The following DHRS1 variants were observed in gnomAD, a reference collection of about 807,000 sequenced individuals.
The protein encoded by DHRS1 is dehydrogenase/reductase 1.
DHRS1 carries 34 observed loss-of-function variants against 35.2 expected under a neutral mutation model. The observed-to-expected ratio is 0.97, with a 90% CI of 0.74 to 1.29. DHRS1 has a LOEUF of 1.29. DHRS1 is among the 50% of genes most tolerant of loss of function. The pLI, the probability that DHRS1 is intolerant of heterozygous loss-of-function variation, is 0.00. For synonymous variants in DHRS1, 133 were observed against 160.0 expected, an observed-to-expected ratio of 0.83 and a Z score of 1.27; for missense variants, 354 against 403.6, an observed-to-expected ratio of 0.88 and a Z score of 1.05.
intron 5 of DHRS1, 63 bp downstream of exon 5, chr14:24,292,589 C>G (rs1471831788): frequency 6.2e-7 from 1 of 1,613,534 alleles, no homozygotes; most frequent in South Asian, 1.1e-5. Context: ...GATTGTACCT[C>G]CTGAGCTATA....
At chr14:24,294,559 G>T (rs56244705) in intron 4 of DHRS1, 7,833 of 152,000 alleles carry the variant, frequency 0.052, 528 homozygotes, top group East Asian at 0.34. Flanking sequence ...CTGCACTCTA[G>T]CCTGGGTGAC....
intron 4 of DHRS1, among the ~76,000 whole-genome samples, chr14:24,295,339 A>C (rs2041231741): frequency 6.6e-6 from 1 of 152,232 alleles, no homozygotes. Context: ...CACACACATA[A>C]CTTGGTAACC....
chr14:24,296,998 C>CTCTG (rs1332216653), intron 2 of DHRS1, 117 bp from the exon 3 acceptor site: 1 of 1,412,900 alleles, frequency 7.1e-7, no homozygotes, highest in African/African-American at 1.4e-5. Context: ...GGAGAGCCTG[C>CTCTG]TGCAGAGGCA....
At chr14:24,291,262 T>C (rs761972766) in intron 7 of DHRS1, 43 bp from the exon 8 acceptor site, 17 of 1,599,438 alleles carry the variant, frequency 1.1e-5, no homozygotes, top group Admixed American at 8.3e-5. Context: ...CAGGGGAGTA[T>C]GCAGAGTGAC....
At chr14:24,291,518 C>T (rs753653463) in intron 7 of DHRS1, 38 bp downstream of exon 7, 2 of 1,605,660 alleles carry the variant, frequency 1.2e-6, no homozygotes, top group South Asian at 1.1e-5. Context: ...ACACATCCTC[C>T]ATGCCCTTTC....
chr14:24,291,259 G>A, intron 7 of DHRS1, 40 bp from the exon 8 acceptor site: 2 of 1,599,816 alleles, frequency 1.3e-6, no homozygotes, highest in Non-Finnish European at 8.6e-7. Flanking sequence ...AGGCAGGGGA[G>A]TATGCAGAGT....
chr14:24,297,466 C>T (rs1001805162), intron 2 of DHRS1, among the ~76,000 whole-genome samples: 2 of 152,210 alleles, frequency 1.3e-5, no homozygotes, highest in African/African-American at 4.8e-5. Context: ...GAACAATCCT[C>T]CTATTCTCCA....
chr14:24,295,459 G>T (rs1171633777), intron 4 of DHRS1, among the ~76,000 whole-genome samples: 1 of 152,228 alleles, frequency 6.6e-6, no homozygotes, highest in Non-Finnish European at 1.5e-5. Flanking sequence ...AGGAAAGGCA[G>T]TAAATGCGCA....
At chr14:24,296,697 A>G (rs941383504) in intron 3 of DHRS1, 41 bp downstream of exon 3, 65 of 1,613,712 alleles carry the variant, frequency 4.0e-5, no homozygotes, top group Non-Finnish European at 5.4e-5. Context: ...TCTGAGGGGG[A>G]GGTCAGAAAT....
At position 24,296,897 on chromosome 14, in the gene DHRS1, G is replaced by C. The variant is rs2041259044; in HGVS notation, c.151-16C>G. 6.2e-7 allele frequency: 1 copy of C among 1,613,980 alleles called. No individual in the cohort carries two copies. The highest frequency in any genetic ancestry group is 1.3e-5 in the African/African-American group (1 of 74,912). On this transcript the variant is annotated splice_polypyrimidine_tract_variant and intron_variant, in intron 2 of 8. Coordinates refer to ENST00000288111, the MANE Select transcript of DHRS1 (RefSeq NM_001136050.3). ...GGGATTGTGCCTGGAGTAGGACAGG[G>C]GATATGAGCTCACATTCACACATGG...
intron 2 of DHRS1, among the ~76,000 whole-genome samples, chr14:24,297,706 C>T (rs1302190882): frequency 6.6e-6 from 1 of 152,320 alleles, no homozygotes; most frequent in East Asian, 1.9e-4. Flanking sequence ...CCACTCTTTC[C>T]TCTCCAGCCT....
chr14:24,297,030 T>A, intron 2 of DHRS1, 149 bp from the exon 3 acceptor site: 5 of 1,052,340 alleles, frequency 4.8e-6, no homozygotes, highest in Non-Finnish European at 6.9e-6. Context: ...AACGCTGCCC[T>A]CTGGTGTCTG....
rs939365792 is a variant in DHRS1 at position 24,299,780 on chromosome 14, T to C, written c.-224A>G. 3 of 744,446 alleles carry C rather than the reference T, an allele frequency of 4.0e-6. No homozygotes were observed. The highest frequency in any genetic ancestry group is 4.2e-6 in the Non-Finnish European group (2 of 481,794). The allele number at this position is 744,446 out of a possible 1,614,324, so 46.1% of individuals were successfully genotyped here. On this transcript the variant is annotated 5_prime_UTR_variant, in exon 1 of 9. Transcript: ENST00000288111. ...ACCTGCGGATGGGGGCGGAGCGATC[T>C]GGGTGACACACCCACCCCGCCCGGC...
In DHRS1 at chr14:24,291,093, C is replaced by A. The variant is rs899539298; in HGVS notation, c.805+46G>T. The A allele has an allele frequency of 2.5e-6, 4 of 1,613,386 alleles. No individual in the cohort carries two copies. The African/African-American group carries it at 5.3e-5, about 22-fold the overall frequency. On this transcript the variant is annotated intron_variant, in intron 8 of 8. Transcript: ENST00000288111. Reference sequence around the variant, plus strand: ...GACCGAGGGAGGAGTGGGCAGGGAACAGAGGGAACAGCAGTCAAGGCTGAC... The same window carrying A: ...GACCGAGGGAGGAGTGGGCAGGGAAAAGAGGGAACAGCAGTCAAGGCTGAC...
rs754865649 is a variant in DHRS1, at chr14:24,296,764, C to T, written c.268G>A (p.Val90Ile). The T allele has an allele frequency of 2.5e-6, 4 of 1,614,178 alleles. No homozygotes were observed. The South Asian group carries it at 4.4e-5, about 18-fold the overall frequency. ...TGGACCCCTGCATAAGCATTGTTGACCAGCACATCTAGACGCCCTTGCTGT... is the reference window on the plus strand; with the variant it reads ...TGGACCCCTGCATAAGCATTGTTGATCAGCACATCTAGACGCCCTTGCTGT... Reference protein sequence around the residue: ...REQQGRLDVLVNNAYAGVQTI... With the variant: ...REQQGRLDVLINNAYAGVQTI... The change falls in exon 3 of 9, where the codon GTC becomes ATC. Residue 90 changes from valine (V) to isoleucine (I), a missense_variant. Coordinates refer to ENST00000288111, the MANE Select transcript of DHRS1 (RefSeq NM_001136050.3).
At position 24,296,404 on chromosome 14, in the gene DHRS1, A is replaced by G. The variant is rs2041247391; in HGVS notation, c.374+105T>C. The G allele has an allele frequency of 5.5e-6, 6 of 1,097,180 alleles. No homozygotes were observed. In the South Asian group the frequency reaches 7.9e-5, roughly 15 times the overall value. 68.0% of individuals were successfully genotyped at this position (1,097,180 alleles called of 1,614,324 possible). ...ATGGAATGGAAGGGAGAAGAAAGAG[A>G]TGGGGGAGGCCGGAGGGAAAAGGAG... On this transcript the variant is annotated intron_variant, in intron 4 of 8. Coordinates refer to ENST00000288111, the MANE Select transcript of DHRS1 (RefSeq NM_001136050.3).
intron 7 of DHRS1, 95 bp from the exon 8 acceptor site, chr14:24,291,314 G>A: frequency 7.6e-7 from 1 of 1,312,560 alleles, no homozygotes; most frequent in Non-Finnish European, 1.1e-6. Flanking sequence ...TGAGAGCCCT[G>A]GAGCTCAGGA....
chr14:24,297,748 A>T (rs1375071037), intron 2 of DHRS1, among the ~76,000 whole-genome samples: 1 of 151,984 alleles, frequency 6.6e-6, no homozygotes, highest in Non-Finnish European at 1.5e-5. Context: ...GCATTATCTC[A>T]CACATCTACT....
At chr14:24,291,826 C>A in intron 6 of DHRS1, 1 of 629,476 alleles carries the variant, frequency 1.6e-6, no homozygotes, top group Non-Finnish European at 2.8e-6. Context: ...TGTGCCCTGG[C>A]ACCAGGATCT....
Sources: gnomAD v4.1 joint callset for allele counts (sites outside exome capture counted in the v4.1 genomes callset) on GRCh38, gnomAD v4.1.1 for gene constraint, MANE v1.5 for transcripts, NCBI Gene and HGNC (gene_info 2026-07-23, HGNC 2026-07-21) for gene names.